The following SGCZ variants were observed in gnomAD, a reference collection of about 807,000 sequenced individuals.
The protein encoded by SGCZ is zeta-sarcoglycan.
Under a neutral mutation model 41.3 loss-of-function variants are expected in SGCZ, and 40 were observed. The ratio of observed to expected loss-of-function variants is 0.97; its 90% CI spans 0.75 to 1.26. The LOEUF is 1.26. SGCZ is among the 50% of genes most tolerant of loss of function. The probability of loss-of-function intolerance (pLI) is 0.00; values close to 1 mark genes in which losing one functional copy is unlikely to be tolerated. For missense variants in SGCZ, 552 were observed against 369.8 expected, an observed-to-expected ratio of 1.49 and a Z score of -4.04; for synonymous variants, 206 against 137.5, an observed-to-expected ratio of 1.50 and a Z score of -3.49.
At chr8:14,473,413 AT>A (rs1405648036) in intron 2 of SGCZ, among the ~76,000 whole-genome samples, 1 of 152,202 alleles carries the variant, frequency 6.6e-6, no homozygotes, top group Admixed American at 6.5e-5. Context: ...CTTCATTAAA[AT>A]ATCATGAATT....
intron 4 of SGCZ, among the ~76,000 whole-genome samples, chr8:14,190,369 G>GTA (rs557296733): frequency 2.1e-4 from 32 of 150,410 alleles, no homozygotes; most frequent in African/African-American, 6.4e-4. Context: ...ATGTATGTAT[G>GTA]TGTGTGTGTG....
intron 2 of SGCZ, among the ~76,000 whole-genome samples, chr8:14,354,405 G>A (rs941197158): frequency 1.3e-5 from 2 of 151,734 alleles, no homozygotes; most frequent in Non-Finnish European, 2.9e-5. Flanking sequence ...ATACCACTTC[G>A]ATGTGAATAT....
At position 15,171,763 on chromosome 8, in the gene SGCZ, G is replaced by T. The variant is rs137963245; in HGVS notation, c.39+65822C>A. Among the ~76,000 whole-genome samples the T allele has an allele frequency of 8.3e-4, 126 of 152,228 alleles. 1 individual carries two copies. Among genetic ancestry groups the T allele is most frequent in the African/African-American group, 2.9e-3 (121 of 41,530 alleles). On this transcript the variant is annotated intron_variant, in intron 1 of 7. Transcript: ENST00000382080. ...ATGATTTGCATGCAATCTCAGATGTGGTATGTGTCGAATAGTACATCTCGG... is the reference window on the plus strand; with the variant it reads ...ATGATTTGCATGCAATCTCAGATGTTGTATGTGTCGAATAGTACATCTCGG...
chr8:14,615,086 AC>A (rs1806055820), intron 1 of SGCZ, among the ~76,000 whole-genome samples: 1 of 152,156 alleles, frequency 6.6e-6, no homozygotes, highest in Non-Finnish European at 1.5e-5. Context: ...AATGTAAAAA[AC>A]ATTTATAGTA....
chr8:14,821,630 C>G (rs376526847), intron 1 of SGCZ, among the ~76,000 whole-genome samples: 2 of 152,154 alleles, frequency 1.3e-5, no homozygotes, highest in East Asian at 3.9e-4. Flanking sequence ...ATCAGGCGAA[C>G]CTGATTCTAT....
chr8:14,908,470 G>A (rs1228668177), intron 1 of SGCZ, among the ~76,000 whole-genome samples: 1 of 152,146 alleles, frequency 6.6e-6, no homozygotes, highest in Non-Finnish European at 1.5e-5. Flanking sequence ...TCAGAGAACT[G>A]GCCAGGTGCA....
At chr8:14,551,551 A>AAGATATATATAATATATATAAT (rs1803848088) in intron 2 of SGCZ, among the ~76,000 whole-genome samples, 1 of 25,958 alleles carries the variant, frequency 3.9e-5, no homozygotes, top group Non-Finnish European at 6.3e-5. Context: ...TAATATATAT[A>AAGATATATATAATATATATAAT]ATATATATTA....
At chr8:14,381,103 T>A (rs867856976) in intron 2 of SGCZ, among the ~76,000 whole-genome samples, 2,888 of 151,620 alleles carry the variant, frequency 0.019, 75 homozygotes, top group African/African-American at 0.054. Flanking sequence ...AAAAAAAAAA[T>A]ACCTTTGTAA....
At chr8:14,441,833 AC>A (rs1800280338) in intron 2 of SGCZ, among the ~76,000 whole-genome samples, 1 of 151,726 alleles carries the variant, frequency 6.6e-6, no homozygotes, top group South Asian at 2.1e-4. Flanking sequence ...TTTTAACCCC[AC>A]CTCTGACTCT....
chr8:14,217,500 T>C (rs35897666), intron 4 of SGCZ, among the ~76,000 whole-genome samples: 36,130 of 151,760 alleles, frequency 0.24, 5,542 homozygotes, highest in Non-Finnish European at 0.34. Flanking sequence ...TGCACACTTA[T>C]ATGGCACTTC....
chr8:14,939,772 G>A (rs980757822), intron 1 of SGCZ, among the ~76,000 whole-genome samples: 1 of 151,974 alleles, frequency 6.6e-6, no homozygotes, highest in African/African-American at 2.4e-5. Flanking sequence ...TTCACTCAAG[G>A]GAAGCAGCTT....
chr8:14,282,557 G>T (rs1800482816), intron 3 of SGCZ, among the ~76,000 whole-genome samples: 1 of 151,736 alleles, frequency 6.6e-6, no homozygotes, highest in Non-Finnish European at 1.5e-5. Flanking sequence ...ATTTTACCTC[G>T]CACCTAAAAC....
chr8:14,835,950 A>C (rs955398255), intron 1 of SGCZ, among the ~76,000 whole-genome samples: 13 of 152,234 alleles, frequency 8.5e-5, no homozygotes, highest in African/African-American at 3.1e-4. Flanking sequence ...ATTTCCAATA[A>C]GTTGCTATTC....
At chr8:14,693,292 C>CTT (rs571217799) in intron 1 of SGCZ, among the ~76,000 whole-genome samples, 1 of 62,822 alleles carries the variant, frequency 1.6e-5, no homozygotes. Flanking sequence ...TAATTGAATA[C>CTT]CTTTTTTTTT....
chr8:15,016,200 C>A (rs7015648), intron 1 of SGCZ, among the ~76,000 whole-genome samples: 41,766 of 152,010 alleles, frequency 0.27, 8,480 homozygotes, highest in African/African-American at 0.57. Flanking sequence ...GGACTTACAC[C>A]TGCCCCATTC....
chr8:14,472,458 T>C (rs1801239906), intron 2 of SGCZ, among the ~76,000 whole-genome samples: 1 of 152,098 alleles, frequency 6.6e-6, no homozygotes, highest in Non-Finnish European at 1.5e-5. Flanking sequence ...TTGATATTTA[T>C]ATATTCACTT....
intron 1 of SGCZ, among the ~76,000 whole-genome samples, chr8:14,752,132 CAAA>C (rs56243371): frequency 0.38 from 45,189 of 117,876 alleles, 8,226 homozygotes; most frequent in Non-Finnish European, 0.44. Context: ...ACAAAAAAGC[CAAA>C]AAAAAAAAAA....
At chr8:14,827,165 C>CA (rs11448424) in intron 1 of SGCZ, among the ~76,000 whole-genome samples, 46,799 of 140,764 alleles carry the variant, frequency 0.33, 8,841 homozygotes, top group East Asian at 0.6. Flanking sequence ...ATGGAAGTTT[C>CA]AAAAAAAAAA....
At chr8:14,954,527 T>C (rs1264370966) in intron 1 of SGCZ, among the ~76,000 whole-genome samples, 1 of 152,144 alleles carries the variant, frequency 6.6e-6, no homozygotes, top group East Asian at 1.9e-4. Context: ...ACGATTGCAT[T>C]ACACAAAATT....
Sources: gnomAD v4.1 joint callset for allele counts (sites outside exome capture counted in the v4.1 genomes callset) on GRCh38, gnomAD v4.1.1 for gene constraint, MANE v1.5 for transcripts, NCBI Gene and HGNC (gene_info 2026-07-23, HGNC 2026-07-21) for gene names.